The following PARD3B variants were observed in gnomAD, a reference collection of about 807,000 sequenced individuals.
PARD3B encodes the protein par-3 family cell polarity regulator beta.
A neutral mutation model predicts 130.2 loss-of-function variants in PARD3B; 103 were observed. That is an observed-to-expected ratio of 0.79 (90% confidence interval 0.67 to 0.93). PARD3B has a LOEUF of 0.93. PARD3B is among the 40% of genes least tolerant of loss of function. PARD3B has a pLI of 0.00. For synonymous variants in PARD3B, 583 were observed against 553.2 expected, an observed-to-expected ratio of 1.05 and a Z score of -0.76; for missense variants, 1,609 against 1,499.2, an observed-to-expected ratio of 1.07 and a Z score of -1.21.
chr2:205,416,816 T>C (rs1164357649), intron 19 of PARD3B, among the ~76,000 whole-genome samples: 1 of 152,116 alleles, frequency 6.6e-6, no homozygotes, highest in Non-Finnish European at 1.5e-5. Flanking sequence ...TTCTTGGTCT[T>C]CTTACAAGGA....
chr2:205,454,972 A>G (rs2048222805), intron 20 of PARD3B, among the ~76,000 whole-genome samples: 1 of 152,124 alleles, frequency 6.6e-6, no homozygotes, highest in African/African-American at 2.4e-5. Context: ...AGTGTGTATG[A>G]TATTATATAC....
chr2:205,516,889 T>G (rs1247716812), intron 21 of PARD3B, among the ~76,000 whole-genome samples: 2 of 152,158 alleles, frequency 1.3e-5, no homozygotes. Flanking sequence ...TAGTATAATA[T>G]TGGTTGTATG....
At chr2:204,996,327 G>C (rs1049898963) in intron 3 of PARD3B, among the ~76,000 whole-genome samples, 12 of 151,884 alleles carry the variant, frequency 7.9e-5, no homozygotes, top group African/African-American at 2.7e-4. Context: ...CAGGTCTGTT[G>C]GAATACCCTC....
At chr2:204,913,110 G>T (rs2047306450) in intron 2 of PARD3B, among the ~76,000 whole-genome samples, 2 of 152,150 alleles carry the variant, frequency 1.3e-5, no homozygotes, top group African/African-American at 4.8e-5. Context: ...ATGTTCACAG[G>T]AGACACTTTA....
chr2:204,558,895 A>G (rs562885327), intron 1 of PARD3B, among the ~76,000 whole-genome samples: 2 of 152,338 alleles, frequency 1.3e-5, no homozygotes, highest in African/African-American at 2.4e-5. Flanking sequence ...ACACACATCT[A>G]TAACCATCTG....
rs191798738 is a variant in PARD3B, at chr2:205,263,737, G to A, written c.2185+17915G>A. ...ATTAGATCTTCTGAAAATTAAAAAT[G>A]TTTACTCTTCAAAAGATACTCTTGA... On this transcript the variant is annotated intron_variant, in intron 16 of 22. Transcript: ENST00000406610. This position sits in a 1 kb window ranked among gnomAD's most constrained non-coding sequence, Gnocchi z 4.0. Among the ~76,000 whole-genome samples, 2 of 151,170 alleles carry A rather than the reference G, an allele frequency of 1.3e-5. No homozygotes were observed. Among genetic ancestry groups the A allele is most frequent in the East Asian group, 3.9e-4 (2 of 5,142 alleles).
chr2:204,880,636 T>A (rs111959427), intron 2 of PARD3B, among the ~76,000 whole-genome samples: 2,533 of 121,966 alleles, frequency 0.021, 52 homozygotes, highest in East Asian at 0.12. Flanking sequence ...TCCAGCCTGG[T>A]GACAGAGCGA....
chr2:205,557,789 T>C (rs1370958871), intron 22 of PARD3B, among the ~76,000 whole-genome samples: 1 of 152,184 alleles, frequency 6.6e-6, no homozygotes, highest in Non-Finnish European at 1.5e-5. Flanking sequence ...CTTCCTGTAA[T>C]GAGGCAAACC....
At chr2:204,983,480 A>C (rs944266392) in intron 3 of PARD3B, among the ~76,000 whole-genome samples, 2 of 152,132 alleles carry the variant, frequency 1.3e-5, no homozygotes, top group Non-Finnish European at 2.9e-5. Flanking sequence ...TTTGATATTA[A>C]ATTTAATGTA....
At chr2:205,527,865 T>C (rs1559181221) in intron 21 of PARD3B, among the ~76,000 whole-genome samples, 1 of 152,156 alleles carries the variant, frequency 6.6e-6, no homozygotes, top group Non-Finnish European at 1.5e-5. Context: ...AGATACAAGG[T>C]CCAATTCTCT....
chr2:204,915,508 G>A (rs1424712064), intron 2 of PARD3B, among the ~76,000 whole-genome samples: 3 of 151,930 alleles, frequency 2.0e-5, no homozygotes, highest in Non-Finnish European at 4.4e-5. Context: ...TTAGTTTTAT[G>A]TATATATACT....
intron 3 of PARD3B, among the ~76,000 whole-genome samples, chr2:204,990,009 C>G (rs1693513116): frequency 6.6e-6 from 1 of 151,854 alleles, no homozygotes; most frequent in African/African-American, 2.4e-5. Flanking sequence ...AAATTGCTTC[C>G]CACAGTAATT....
intron 13 of PARD3B, among the ~76,000 whole-genome samples, chr2:205,178,917 G>A (rs528051810): frequency 3.9e-5 from 6 of 152,154 alleles, no homozygotes; most frequent in Admixed American, 1.3e-4. Context: ...TTTTAAAAAA[G>A]GTAACTGTAA....
At chr2:205,202,566 C>A (rs1196069005) in intron 15 of PARD3B, among the ~76,000 whole-genome samples, 1 of 152,116 alleles carries the variant, frequency 6.6e-6, no homozygotes, top group Non-Finnish European at 1.5e-5. Flanking sequence ...CCTGTCATAC[C>A]CCTCCCATGA....
chr2:204,860,215 T>TA (rs201999312), intron 2 of PARD3B, among the ~76,000 whole-genome samples: 15 of 149,808 alleles, frequency 1.0e-4, no homozygotes, highest in Admixed American at 2.0e-4. Context: ...TTTCTTAGGC[T>TA]AAAAAAAAAA....
chr2:205,545,577 G>A (rs1456807024), intron 21 of PARD3B, among the ~76,000 whole-genome samples: 1 of 152,168 alleles, frequency 6.6e-6, no homozygotes, highest in Non-Finnish European at 1.5e-5. Context: ...ATTTGTAAAT[G>A]AGGATGTTAT....
intron 2 of PARD3B, among the ~76,000 whole-genome samples, chr2:204,698,425 A>G (rs184739433): frequency 2.3e-4 from 35 of 152,140 alleles, no homozygotes; most frequent in African/African-American, 7.7e-4. Flanking sequence ...GTAAAAATGC[A>G]TATTCCAGTT....
chr2:205,351,322 C>T lies in PARD3B; in HGVS notation c.2630+49621C>T, dbSNP rs749408276. On this transcript the variant is annotated intron_variant, in intron 18 of 22. Coordinates refer to ENST00000406610, the MANE Select transcript of PARD3B (RefSeq NM_001302769.2). The surrounding 1 kb of genome is among the most constrained non-coding windows in gnomAD (Gnocchi z 4.2). Reference sequence around the variant, plus strand: ...TTGTGGAGTTGTATCAGGGAATAGTCTCTTAATCCCAGTTGGTTGCATTTT... The same window carrying T: ...TTGTGGAGTTGTATCAGGGAATAGTTTCTTAATCCCAGTTGGTTGCATTTT... Among the ~76,000 whole-genome samples the T allele has an allele frequency of 3.9e-5, 6 of 152,182 alleles. No homozygotes were observed. Among genetic ancestry groups the T allele is most frequent in the Non-Finnish European group, 8.8e-5 (6 of 68,030 alleles).
chr2:204,990,672 C>G (rs1318500865), intron 3 of PARD3B, among the ~76,000 whole-genome samples: 1 of 151,912 alleles, frequency 6.6e-6, no homozygotes, highest in African/African-American at 2.4e-5. Context: ...ATATCTTGCC[C>G]CAGTTAATGA....
Sources: gnomAD v4.1 joint callset for allele counts (sites outside exome capture counted in the v4.1 genomes callset) on GRCh38, gnomAD v4.1.1 for gene constraint, Gnocchi (gnomAD v3.1) non-coding constraint, MANE v1.5 for transcripts, NCBI Gene and HGNC (gene_info 2026-07-23, HGNC 2026-07-21) for gene names.